Variants in NALCN observed in about 807,000 individuals in gnomAD.
The protein encoded by NALCN is sodium leak channel, non-selective, also known as sodium leak channel NALCN.
In NALCN, 111 loss-of-function variants were observed where a neutral mutation model predicts 225.3. That is an observed-to-expected ratio of 0.49 (90% CI 0.42 to 0.58). The LOEUF is 0.58. NALCN is among the 20% of genes least tolerant of loss of function. The probability of loss-of-function intolerance (pLI) is 0.00; values close to 1 mark genes in which losing one functional copy is unlikely to be tolerated. For missense variants in NALCN, 1,378 were observed against 2,202.4 expected, an observed-to-expected ratio of 0.63 and a Z score of 7.49; for synonymous variants, 764 against 769.0, an observed-to-expected ratio of 0.99 and a Z score of 0.11.
chr13:101,331,177 G>C (rs1054297914), intron 7 of NALCN, among the ~76,000 whole-genome samples: 30 of 152,186 alleles, frequency 2.0e-4, no homozygotes, highest in African/African-American at 7.0e-4. Flanking sequence ...TGAGCTCATA[G>C]CCAATATTAT....
chr13:101,168,343 C>G (rs1180078113), intron 15 of NALCN, among the ~76,000 whole-genome samples: 3 of 152,134 alleles, frequency 2.0e-5, no homozygotes, highest in Non-Finnish European at 4.4e-5. Context: ...TTGTATCTCT[C>G]CATAGACATT....
At chr13:101,141,137 C>T (rs1215946774) in intron 17 of NALCN, among the ~76,000 whole-genome samples, 1 of 151,938 alleles carries the variant, frequency 6.6e-6, no homozygotes, top group East Asian at 1.9e-4. Flanking sequence ...ATGGCAATCC[C>T]AGGGGAGAGA....
intron 27 of NALCN, among the ~76,000 whole-genome samples, chr13:101,096,538 A>G (rs2034512966): frequency 6.6e-6 from 1 of 152,168 alleles, no homozygotes; most frequent in African/African-American, 2.4e-5. Flanking sequence ...GACAAAAAGA[A>G]TATTAGTTGT....
chr13:101,337,098 T>A (rs1356482415), intron 7 of NALCN, among the ~76,000 whole-genome samples: 1 of 152,112 alleles, frequency 6.6e-6, no homozygotes, highest in African/African-American at 2.4e-5. Flanking sequence ...TAAAACTGCA[T>A]TGCCTCCCAG....
Position 101,260,912 on chromosome 13 carries a change from G to A in NALCN, c.1135-2338C>T, listed in dbSNP as rs146835589. On this transcript the variant is annotated intron_variant, in intron 10 of 43. Transcript: ENST00000251127. ...TTTGTCCATTTTTGCTTTGGTTGCC[G>A]GTGCTTATGGGGGTATTGCTCATAA... Among the ~76,000 whole-genome samples the A allele has an allele frequency of 7.7e-3, 1,168 of 152,126 alleles. 7 individuals are homozygous for A. The highest frequency in any genetic ancestry group is 0.012 in the Non-Finnish European group (838 of 67,978).
At chr13:101,146,121 G>C (rs1245644784) in intron 15 of NALCN, among the ~76,000 whole-genome samples, 2 of 152,292 alleles carry the variant, frequency 1.3e-5, no homozygotes, top group South Asian at 2.1e-4. Context: ...TATTGGTTGT[G>C]AGCTCATGAT....
intron 1 of NALCN, among the ~76,000 whole-genome samples, chr13:101,412,447 GGA>G (rs2047816297): frequency 6.6e-6 from 1 of 152,088 alleles, no homozygotes; most frequent in African/African-American, 2.4e-5. Flanking sequence ...CTCCTGCTGC[GGA>G]GGCCTACCCC....
chr13:101,099,325 C>T (rs2034683758), intron 27 of NALCN, among the ~76,000 whole-genome samples: 1 of 152,138 alleles, frequency 6.6e-6, no homozygotes, highest in East Asian at 1.9e-4. Flanking sequence ...GCCTTTGTTT[C>T]AAATTCTCAT....
In NALCN at chr13:101,176,283, C is replaced by T. The variant is rs777030176; in HGVS notation, c.1839+17G>A. 5 of 1,493,198 alleles carry T rather than the reference C, an allele frequency of 3.3e-6. No homozygotes were observed. The highest frequency in any genetic ancestry group is 2.5e-5 in the Admixed American group (1 of 40,628). The allele number at this position is 1,493,198 out of a possible 1,614,324, so 92.5% of individuals were successfully genotyped here. On this transcript the variant is annotated intron_variant, in intron 15 of 43. Transcript: ENST00000251127. ...TTTTTTGTCCTTTTTAAAAAAAATC[C>T]CCCACACACTACTTACTTGTTTAAG...
intron 10 of NALCN, among the ~76,000 whole-genome samples, chr13:101,275,603 A>G (rs569198029): frequency 1.3e-5 from 2 of 152,102 alleles, no homozygotes; most frequent in African/African-American, 4.8e-5. Flanking sequence ...TGTAGTCTCA[A>G]AACAAGATGT....
At chr13:101,326,641 T>C (rs2044961485) in intron 7 of NALCN, among the ~76,000 whole-genome samples, 1 of 152,224 alleles carries the variant, frequency 6.6e-6, no homozygotes, top group Non-Finnish European at 1.5e-5. Flanking sequence ...TTGCTTAATG[T>C]CATGACCCCC....
intron 34 of NALCN, among the ~76,000 whole-genome samples, chr13:101,077,694 G>GA (rs1444813557): frequency 2.6e-5 from 4 of 152,334 alleles, no homozygotes; most frequent in Admixed American, 2.0e-4. Flanking sequence ...TGTGCAGTCT[G>GA]ATGATTTTTA....
At chr13:101,198,226 C>T (rs1053347415) in intron 13 of NALCN, among the ~76,000 whole-genome samples, 2 of 152,172 alleles carry the variant, frequency 1.3e-5, no homozygotes, top group African/African-American at 4.8e-5. Flanking sequence ...AGGACATAGG[C>T]ATGGGCAAAG....
At chr13:101,143,367 A>G in intron 16 of NALCN, 146 bp from the exon 17 acceptor site, 1 of 743,320 alleles carries the variant, frequency 1.3e-6, no homozygotes, top group Non-Finnish European at 2.0e-6. Context: ...ATATTTCATT[A>G]GCAACAGCTT....
At chr13:101,276,844 A>G (rs1349516526) in intron 10 of NALCN, among the ~76,000 whole-genome samples, 2 of 152,178 alleles carry the variant, frequency 1.3e-5, no homozygotes, top group Non-Finnish European at 2.9e-5. Context: ...AAGGTAAAAT[A>G]TGTATGTGCA....
chr13:101,281,883 A>C (rs538095055), intron 10 of NALCN, among the ~76,000 whole-genome samples: 88 of 152,194 alleles, frequency 5.8e-4, no homozygotes, highest in Non-Finnish European at 1.1e-3. Context: ...AGACATATGA[A>C]TGGCCAATAG....
intron 7 of NALCN, among the ~76,000 whole-genome samples, chr13:101,338,464 T>C (rs1045741091): frequency 6.6e-6 from 1 of 152,254 alleles, no homozygotes; most frequent in African/African-American, 2.4e-5. Context: ...TTCATTAAGT[T>C]GTTTAGTCCA....
At chr13:101,220,363 G>C (rs1211166853) in intron 13 of NALCN, among the ~76,000 whole-genome samples, 1 of 152,158 alleles carries the variant, frequency 6.6e-6, no homozygotes, top group African/African-American at 2.4e-5. Flanking sequence ...ATCTAGCCTT[G>C]AGTAAAATAT....
intron 15 of NALCN, among the ~76,000 whole-genome samples, chr13:101,172,177 C>T (rs1313874389): frequency 6.6e-6 from 1 of 152,146 alleles, no homozygotes; most frequent in African/African-American, 2.4e-5. Context: ...AGACATACAG[C>T]GCCATGCTTC....
Sources: gnomAD v4.1 joint callset for allele counts (sites outside exome capture counted in the v4.1 genomes callset) on GRCh38, gnomAD v4.1.1 for gene constraint, MANE v1.5 for transcripts, NCBI Gene and HGNC (gene_info 2026-07-23, HGNC 2026-07-21) for gene names.